Variants in MAP2K7 observed in about 807,000 individuals in gnomAD.
The protein encoded by MAP2K7 is mitogen-activated protein kinase kinase 7, also known as dual specificity mitogen-activated protein kinase kinase 7.
A neutral mutation model predicts 47.7 loss-of-function variants in MAP2K7; 12 were observed. That is an observed-to-expected ratio of 0.25 (90% CI 0.16 to 0.41). MAP2K7 has a LOEUF of 0.41. MAP2K7 is among the 10% of genes least tolerant of loss of function. The probability of loss-of-function intolerance (pLI) is 1.00; values close to 1 mark genes in which losing one functional copy is unlikely to be tolerated. For missense variants in MAP2K7, 415 were observed against 600.3 expected, an observed-to-expected ratio of 0.69 and a Z score of 3.23; for synonymous variants, 299 against 243.0, an observed-to-expected ratio of 1.23 and a Z score of -2.14.
At position 7,909,991 on chromosome 19, in the gene MAP2K7, C is replaced by T. The variant is rs566082739; in HGVS notation, c.267-72C>T. ...AGGGTGGTTAAACCGGTGGGAACCC[C>T]GGTATGGGGGACTGGGGTGGCCAAC... On this transcript the variant is annotated intron_variant, in intron 2 of 10. Transcript: ENST00000397979. The T allele has an allele frequency of 1.2e-4, 181 of 1,520,498 alleles. No homozygotes were observed. The African/African-American group carries it at 1.9e-3, about 16-fold the overall frequency. 94.2% of individuals were successfully genotyped at this position (1,520,498 alleles called of 1,614,324 possible). A position where few individuals can be genotyped will look rare whatever the true frequency, so the allele number is the denominator to read the frequency against.
At chr19:7,906,083 AC>A in intron 1 of MAP2K7, 1 of 559,694 alleles carries the variant, frequency 1.8e-6, no homozygotes, top group Non-Finnish European at 3.2e-6. Flanking sequence ...TCCACTTTGG[AC>A]TCCCTGGAGG....
chr19:7,910,785 G>A lies in MAP2K7; in HGVS notation c.657G>A (p.Leu219=), dbSNP rs779848241. The A allele has an allele frequency of 2.1e-5, 34 of 1,590,304 alleles. No individual in the cohort carries two copies. Among genetic ancestry groups the A allele is most frequent in the Non-Finnish European group, 2.8e-5 (33 of 1,163,598 alleles). ...RMQGPIPERI[L]GKMTVAIVKA... is the part of the protein sequence containing the mutation. Reference sequence around the variant, plus strand: ...AGGGCCCCATCCCCGAGCGCATTCTGGGCAAGATGACAGTGGCGGTGAGTG... The same window carrying A: ...AGGGCCCCATCCCCGAGCGCATTCTAGGCAAGATGACAGTGGCGGTGAGTG... The change falls in exon 6 of 11, where the codon CTG becomes CTA. Residue 219 remains leucine, a synonymous_variant. Transcript: ENST00000397979.
chr19:7,904,505 G>A, intron 1 of MAP2K7: 1 of 318,508 alleles, frequency 3.1e-6, no homozygotes, highest in South Asian at 2.2e-5. Flanking sequence ...CCCGTGCAGC[G>A]ACGATCTACG....
rs529015607 is a variant in MAP2K7, at chr19:7,912,728, G to A, written c.*297G>A. The A allele has an allele frequency of 1.3e-4, 59 of 456,388 alleles. No individual in the cohort carries two copies. Among genetic ancestry groups the A allele is most frequent in the Non-Finnish European group, 2.0e-4 (50 of 251,212 alleles). The allele number at this position is 456,388 out of a possible 1,614,324, so 28.3% of individuals were successfully genotyped here. A position where few individuals can be genotyped will look rare whatever the true frequency, so the allele number is the denominator to read the frequency against. On this transcript the variant is annotated 3_prime_UTR_variant, in exon 11 of 11. Transcript: ENST00000397979. ...TCAGCCGCAGCCTCTGGGCCGGGGC[G>A]GCCCCCAGGGGCCAGGAGAGAGCCC...
chr19:7,909,416 G>A (rs1400969073), intron 1 of MAP2K7, among the ~76,000 whole-genome samples: 2 of 152,216 alleles, frequency 1.3e-5, no homozygotes, highest in Non-Finnish European at 2.9e-5. Flanking sequence ...GAAGTGGGAG[G>A]AAGTGCACAC....
intron 9 of MAP2K7, 84 bp from the exon 10 acceptor site, chr19:7,912,065 C>G: frequency 7.4e-7 from 1 of 1,353,604 alleles, no homozygotes; most frequent in Non-Finnish European, 1.0e-6. Context: ...CCCCTGGCCC[C>G]TTGGGGAGGG....
At position 7,913,603 on chromosome 19, in the gene MAP2K7, A is replaced by C. The variant is rs1190455133; in HGVS notation, c.*1172A>C. The C allele has an allele frequency of 6.6e-6, 1 of 151,920 alleles. No homozygotes were observed. The highest frequency in any genetic ancestry group is 1.5e-5 in the Non-Finnish European group (1 of 67,968). 9.4% of individuals were successfully genotyped at this position (151,920 alleles called of 1,614,324 possible). A position where few individuals can be genotyped will look rare whatever the true frequency, so the allele number is the denominator to read the frequency against. ...CACTCACCCACACCTGGCCCAGTCC[A>C]CGTTGAGGTCCAGGACTGGGAAGGA... is the stretch of plus-strand genomic sequence containing the variant. On this transcript the variant is annotated 3_prime_UTR_variant, in exon 11 of 11. Coordinates refer to ENST00000397979, the MANE Select transcript of MAP2K7 (RefSeq NM_145185.4).
chr19:7,906,147 G>C (rs1257710600), intron 1 of MAP2K7: 21 of 483,500 alleles, frequency 4.3e-5, no homozygotes, highest in East Asian at 2.4e-4. Flanking sequence ...GGGGTGGGGG[G>C]GGTGCACGCC....
Position 7,911,272 on chromosome 19 carries a change from A to G in MAP2K7, c.878A>G (p.Asp293Gly). 1 of 1,610,910 alleles carries G rather than the reference A, an allele frequency of 6.2e-7. No homozygotes were observed. The highest frequency in any genetic ancestry group is 8.5e-7 in the Non-Finnish European group (1 of 1,179,408). ...YMAPERIDPPDPTKPDYDIRA... is the reference protein window; with the variant it reads ...YMAPERIDPPGPTKPDYDIRA... ...CAGCCCGAGCGCATTGACCCCCCAG[A>G]CCCCACCAAGCCGGACTATGACATC... Residue 293 changes from aspartate (D) to glycine (G), a missense_variant, in exon 8 of 11, where the codon GAC becomes GGC. By Grantham distance (94) the Asp-to-Gly change is moderately conservative. Coordinates refer to ENST00000397979, the MANE Select transcript of MAP2K7 (RefSeq NM_145185.4).
In MAP2K7 at chr19:7,911,135, C is replaced by T. The variant is rs77549726; in HGVS notation, c.831C>T (p.Ser277=). The T allele has an allele frequency of 2.3e-3, 3,643 of 1,611,438 alleles. 59 individuals are homozygous for T. The African/African-American group carries it at 0.043, about 19-fold the overall frequency. The change falls in exon 7 of 11, where the codon AGC becomes AGT. Residue 277 remains serine, a synonymous_variant. Coordinates refer to ENST00000397979, the MANE Select transcript of MAP2K7 (RefSeq NM_145185.4). ...RLVDSKAKTR[S]AGCAAYMAPE... is the part of the protein sequence containing the mutation. ...TGGACTCCAAAGCCAAGACGCGGAG[C>T]GCCGGCTGTGCCGCCTACATGGCAG...
intron 9 of MAP2K7, 39 bp downstream of exon 9, chr19:7,911,617 C>G (rs765085768): frequency 3.1e-4 from 476 of 1,541,990 alleles, no homozygotes; most frequent in Middle Eastern, 1.2e-3. Flanking sequence ...AGGGACAGCC[C>G]GCTGCTCTGG....
Position 7,909,849 on chromosome 19 carries a change from C to T in MAP2K7, c.219C>T (p.His73=). 6.5e-7 allele frequency: 1 copy of T among 1,540,000 alleles called. No individual in the cohort carries two copies. Among genetic ancestry groups the T allele is most frequent in the Non-Finnish European group, 8.7e-7 (1 of 1,142,924 alleles). Residue 73 remains histidine (H), a synonymous_variant, in exon 2 of 11, where the codon CAC becomes CAT. Coordinates refer to ENST00000397979, the MANE Select transcript of MAP2K7 (RefSeq NM_145185.4). The part of the protein sequence containing the change: ...QHPTPPARPR[H]MLGLPSTLFT... ...CCACGCCCCCCGCCCGGCCCCGCCACATGCTGGGGCTCCCGTCAACCCTGT... is the reference window on the plus strand; with the variant it reads ...CCACGCCCCCCGCCCGGCCCCGCCATATGCTGGGGCTCCCGTCAACCCTGT...
At position 7,913,943 on chromosome 19, in the gene MAP2K7, C is replaced by T. The variant is rs1983115821; in HGVS notation, c.*1512C>T. ...ACAAAACGCCGCATGTTTAAAAAGT[C>T]ATAGATGTCATCTTCTCTCTGCCCC... On this transcript the variant is annotated 3_prime_UTR_variant, in exon 11 of 11. Coordinates refer to ENST00000397979, the MANE Select transcript of MAP2K7 (RefSeq NM_145185.4). 1 of 152,340 alleles carries T rather than the reference C, an allele frequency of 6.6e-6. No homozygotes were observed. Among genetic ancestry groups the T allele is most frequent in the African/African-American group, 2.4e-5 (1 of 41,410 alleles). The allele number at this position is 152,340 out of a possible 1,614,324, so 9.4% of individuals were successfully genotyped here. A position where few individuals can be genotyped will look rare whatever the true frequency, so the allele number is the denominator to read the frequency against.
intron 1 of MAP2K7, chr19:7,904,476 G>C (rs932400145): frequency 5.4e-6 from 2 of 367,432 alleles, no homozygotes; most frequent in South Asian, 3.7e-5. Context: ...CCCCTCCCCC[G>C]GCCTGGGGGC....
rs1330917984 is a variant in MAP2K7, at chr19:7,913,938, A to C, written c.*1507A>C. The C allele has an allele frequency of 2.0e-5, 3 of 152,368 alleles. No homozygotes were observed. Among genetic ancestry groups the C allele is most frequent in the Non-Finnish European group, 2.9e-5 (2 of 68,040 alleles). The allele number at this position is 152,368 out of a possible 1,614,324, so 9.4% of individuals were successfully genotyped here. A position where few individuals can be genotyped will look rare whatever the true frequency, so the allele number is the denominator to read the frequency against. ...TATTCACAAAACGCCGCATGTTTAAAAAGTCATAGATGTCATCTTCTCTCT... is the reference window on the plus strand; with the variant it reads ...TATTCACAAAACGCCGCATGTTTAACAAGTCATAGATGTCATCTTCTCTCT... On this transcript the variant is annotated 3_prime_UTR_variant, in exon 11 of 11. Coordinates refer to ENST00000397979, the MANE Select transcript of MAP2K7 (RefSeq NM_145185.4).
chr19:7,905,479 C>T (rs1982386620), intron 1 of MAP2K7, among the ~76,000 whole-genome samples: 1 of 152,214 alleles, frequency 6.6e-6, no homozygotes, highest in South Asian at 2.1e-4. Context: ...CCTGCTAGCC[C>T]CTGGGGGCCG....
In MAP2K7 at chr19:7,912,763, G is replaced by A. The variant is rs1052332658; in HGVS notation, c.*332G>A. The A allele has an allele frequency of 3.4e-5, 13 of 377,434 alleles. No homozygotes were observed. The highest frequency in any genetic ancestry group is 7.8e-4 in the Middle Eastern group (1 of 1,282). 23.4% of individuals were successfully genotyped at this position (377,434 alleles called of 1,614,324 possible). On this transcript the variant is annotated 3_prime_UTR_variant, in exon 11 of 11. Transcript: ENST00000397979. ...GGCCAGGAGAGAGCCCTGGAGTCCC[G>A]CAGCCACCATGCACGCTCCCAGCGT...
intron 9 of MAP2K7, 43 bp downstream of exon 9, chr19:7,911,621 G>A (rs763598514): frequency 6.5e-7 from 1 of 1,529,688 alleles, no homozygotes; most frequent in Non-Finnish European, 8.8e-7. Flanking sequence ...ACAGCCCGCT[G>A]CTCTGGGCAG....
At chr19:7,907,558 G>A (rs2145133635) in intron 1 of MAP2K7, among the ~76,000 whole-genome samples, 1 of 152,286 alleles carries the variant, frequency 6.6e-6, no homozygotes, top group South Asian at 2.1e-4. Context: ...GAGCTGCCAT[G>A]TGGCCATCAC....
Sources: allele counts gnomAD v4.1 joint callset (sites outside exome capture counted in the v4.1 genomes callset), GRCh38; gene constraint gnomAD v4.1.1; transcripts MANE v1.5; gene names NCBI Gene and HGNC (gene_info 2026-07-23, HGNC 2026-07-21).